PUM2: variants seen among roughly 807,000 people sequenced by gnomAD.
PUM2 encodes the protein pumilio RNA binding family member 2.
Under a neutral mutation model 124.5 loss-of-function variants are expected in PUM2, and 57 were observed. The observed-to-expected ratio is 0.46, with a 90% CI of 0.37 to 0.57. The LOEUF (loss-of-function observed/expected upper bound fraction) is 0.57, where lower values mean the gene tolerates loss of function less well. Ranked by LOEUF, PUM2 falls within the 20% of genes least tolerant of loss-of-function variation. PUM2 has a pLI of 0.00. For synonymous variants in PUM2, 460 were observed against 446.1 expected, an observed-to-expected ratio of 1.03 and a Z score of -0.39; for missense variants, 1,065 against 1,290.6, an observed-to-expected ratio of 0.83 and a Z score of 2.68.
chr2:20,332,328 C>T (rs753700052), intron 1 of PUM2, among the ~76,000 whole-genome samples: 1 of 122,618 alleles, frequency 8.2e-6, no homozygotes, highest in Non-Finnish European at 1.8e-5. Context: ...TGTGTTTAAA[C>T]GAATGGGGGT....
At chr2:20,297,400 T>C (rs544464032) in intron 8 of PUM2, among the ~76,000 whole-genome samples, 153 bp downstream of exon 8, 3 of 152,346 alleles carry the variant, frequency 2.0e-5, no homozygotes, top group South Asian at 2.1e-4. Flanking sequence ...TGAAAAATAG[T>C]ACTAACTTCC....
intron 7 of PUM2, among the ~76,000 whole-genome samples, chr2:20,300,684 C>T (rs374301848): frequency 5.3e-5 from 8 of 151,554 alleles, no homozygotes; most frequent in African/African-American, 1.5e-4. Flanking sequence ...ATAAATCTCC[C>T]GAAAATCACC....
At chr2:20,260,263 C>A in intron 15 of PUM2, 74 bp downstream of exon 15, 3 of 1,389,108 alleles carry the variant, frequency 2.2e-6, no homozygotes, top group South Asian at 1.7e-5. Context: ...CTTTACCCAA[C>A]TTTCAGAGCT....
chr2:20,274,574 G>A (rs1669755654), intron 13 of PUM2, among the ~76,000 whole-genome samples: 1 of 152,002 alleles, frequency 6.6e-6, no homozygotes, highest in African/African-American at 2.4e-5. Flanking sequence ...TTTACCTGCT[G>A]AATACATGAC....
intron 7 of PUM2, among the ~76,000 whole-genome samples, chr2:20,304,083 A>T (rs1677647202): frequency 6.6e-6 from 1 of 152,216 alleles, no homozygotes; most frequent in Non-Finnish European, 1.5e-5. Flanking sequence ...ATTATTGCCT[A>T]AACTACATAC....
intron 1 of PUM2, among the ~76,000 whole-genome samples, chr2:20,345,158 G>A (rs571935318): frequency 6.0e-5 from 9 of 149,850 alleles, no homozygotes; most frequent in East Asian, 2.0e-4. Context: ...GGAGTGCAGC[G>A]GCACGATCAC....
chr2:20,267,654 G>C (rs146443585), intron 13 of PUM2, among the ~76,000 whole-genome samples: 1 of 152,120 alleles, frequency 6.6e-6, no homozygotes, highest in African/African-American at 2.4e-5. Context: ...ATCACTATCT[G>C]CCTAAGAGTG....
intron 1 of PUM2, among the ~76,000 whole-genome samples, chr2:20,344,128 C>T (rs1687756892): frequency 6.6e-6 from 1 of 152,184 alleles, no homozygotes; most frequent in African/African-American, 2.4e-5. Flanking sequence ...AGTGCAGTGG[C>T]TCGATCTTGG....
At chr2:20,330,077 G>C (rs1469904738) in intron 1 of PUM2, among the ~76,000 whole-genome samples, 1 of 151,814 alleles carries the variant, frequency 6.6e-6, no homozygotes, top group African/African-American at 2.4e-5. Flanking sequence ...CCTGAAGATT[G>C]CCAGAAAAAA....
At chr2:20,253,429 C>T (rs1372665506) in intron 20 of PUM2, among the ~76,000 whole-genome samples, 3 of 152,042 alleles carry the variant, frequency 2.0e-5, no homozygotes, top group Non-Finnish European at 4.4e-5. Flanking sequence ...TCTTGAACTC[C>T]TGGGCTCAAG....
intron 10 of PUM2, among the ~76,000 whole-genome samples, chr2:20,288,903 T>A (rs1349169619): frequency 6.6e-6 from 1 of 152,150 alleles, no homozygotes; most frequent in East Asian, 1.9e-4. Flanking sequence ...CAAATACAAA[T>A]CCTAGTAAGG....
chr2:20,263,051 GA>G (rs1364390514), intron 14 of PUM2, 141 bp downstream of exon 14: 1 of 754,324 alleles, frequency 1.3e-6, no homozygotes, highest in African/African-American at 1.8e-5. Flanking sequence ...TAACATGAAA[GA>G]AAAAACATAT....
intron 1 of PUM2, among the ~76,000 whole-genome samples, chr2:20,349,564 C>T (rs1688906028): frequency 6.6e-6 from 1 of 151,366 alleles, no homozygotes; most frequent in African/African-American, 2.4e-5. Context: ...TCTTCCAATA[C>T]TCCAGGTCAC....
chr2:20,312,664 A>G (rs1265164284), intron 3 of PUM2, among the ~76,000 whole-genome samples: 1 of 152,216 alleles, frequency 6.6e-6, no homozygotes. Context: ...TACAGATTCA[A>G]TGCTATCCCC....
At chr2:20,313,477 A>G (rs771412145) in intron 3 of PUM2, among the ~76,000 whole-genome samples, 8 of 152,226 alleles carry the variant, frequency 5.3e-5, no homozygotes, top group Admixed American at 1.3e-4. Context: ...ATCATTTTAA[A>G]AAGTTAACCT....
chr2:20,329,033 C>T (rs1381057826), intron 1 of PUM2, among the ~76,000 whole-genome samples: 1 of 151,962 alleles, frequency 6.6e-6, no homozygotes. Context: ...TAGCTTGGCA[C>T]ATTGGTGCAT....
At chr2:20,291,427 C>T (rs945575666) in intron 9 of PUM2, among the ~76,000 whole-genome samples, 2 of 152,302 alleles carry the variant, frequency 1.3e-5, no homozygotes, top group African/African-American at 2.4e-5. Flanking sequence ...CCTCGCTCGG[C>T]GTCTCTATTC....
chr2:20,290,838 A>C, intron 9 of PUM2, 48 bp from the exon 10 acceptor site: 1 of 1,392,904 alleles, frequency 7.2e-7, no homozygotes, highest in Middle Eastern at 2.6e-4. Context: ...AATAATAGAT[A>C]AGTAAATTTA....
intron 5 of PUM2, among the ~76,000 whole-genome samples, chr2:20,308,857 A>C (rs1281390325): frequency 6.6e-6 from 1 of 152,140 alleles, no homozygotes; most frequent in Non-Finnish European, 1.5e-5. Context: ...CATTAGAAAA[A>C]CTGGCCAGTA....
Sources: gnomAD v4.1 joint callset for allele counts (sites outside exome capture counted in the v4.1 genomes callset) on GRCh38, gnomAD v4.1.1 for gene constraint, MANE v1.5 for transcripts, NCBI Gene and HGNC (gene_info 2026-07-23, HGNC 2026-07-21) for gene names.